Variants in DOCK11 observed in about 807,000 individuals in gnomAD.
DOCK11 encodes dedicator of cytokinesis 11, also known as dedicator of cytokinesis protein 11.
DOCK11 carries 70 observed loss-of-function variants against 169.1 expected under a neutral mutation model. The observed-to-expected ratio is 0.41, with a 90% CI of 0.34 to 0.51. DOCK11 has a LOEUF of 0.51. Ranked by LOEUF, DOCK11 falls within the 20% of genes least tolerant of loss-of-function variation. The probability of loss-of-function intolerance (pLI) is 0.10; values close to 1 mark genes in which losing one functional copy is unlikely to be tolerated. For missense variants in DOCK11, 1,166 were observed against 1,538.8 expected (o/e 0.76, Z 4.05); for synonymous variants, 529 against 541.3 (o/e 0.98, Z 0.32).
rs868734556 is a variant in DOCK11 at position 118,641,222 on chromosome X, C to A, written c.4177C>A (p.Gln1393Lys). ...STTTEADIFH[Q>K]ALLEGNTATE... ...AACAACTGAAGCAGACATTTTCCAC[C>A]AGGCACTTCTTGAAGGCAATACAGC... Residue 1393 changes from glutamine (Q) to lysine (K), a missense_variant, in exon 39 of 53, where the codon CAG becomes AAG. By Grantham distance (53) the Gln-to-Lys change is moderately conservative. Coordinates refer to ENST00000276202, the MANE Select transcript of DOCK11 (RefSeq NM_144658.4). 1.7e-6 allele frequency: 2 copies of A among 1,209,740 alleles called. No individual in the cohort carries two copies. Among genetic ancestry groups the A allele is most frequent in the Non-Finnish European group, 1.1e-6 (1 of 893,692 alleles).
In DOCK11 at chrX:118,636,399, CT is replaced by C; in HGVS notation, c.3942del (p.Ile1315TyrfsTer3). The C allele has an allele frequency of 9.4e-7, 1 of 1,060,729 alleles. No individual in the cohort carries two copies. The highest frequency in any genetic ancestry group is 2.5e-5 in the Admixed American group (1 of 39,432). 87.4% of individuals were successfully genotyped at this position (1,060,729 alleles called of 1,213,427 possible). On this transcript the variant is annotated frameshift_variant, in exon 36 of 53. Coordinates refer to ENST00000276202, the MANE Select transcript of DOCK11 (RefSeq NM_144658.4). LOFTEE classifies it high-confidence loss of function. The part of the protein sequence containing the change: ...KVSPQELINI[L>X]ILLEVCLFHF... ...ATCACCTCAGGAGCTCATAAACATTCTTATACTTTTAGAGTAAGTTATATTA... is the reference window on the plus strand; with the variant it reads ...ATCACCTCAGGAGCTCATAAACATTCTATACTTTTAGAGTAAGTTATATTA...
At chrX:118,554,278 A>G (rs2012601880) in intron 6 of DOCK11, among the ~76,000 whole-genome samples, 1 of 111,947 alleles carries the variant, frequency 8.9e-6, no homozygotes, top group Non-Finnish European at 1.9e-5. Flanking sequence ...GGCTGGGCAC[A>G]GTGGCTCACA....
At chrX:118,503,074 C>CTTTTTTTTTTTTTTTTT (rs767017269) in intron 1 of DOCK11, among the ~76,000 whole-genome samples, 1 of 90,789 alleles carries the variant, frequency 1.1e-5, no homozygotes, top group African/African-American at 4.2e-5. Context: ...ATAACAAAGG[C>CTTTTTTTTTTTTTTTTT]TTTTTTTTTT....
In DOCK11 at chrX:118,566,213, G is replaced by C. The variant is rs141841042; in HGVS notation, c.871+31G>C. 2.1e-3 allele frequency: 2,416 copies of C among 1,142,156 alleles called. 2 individuals are homozygous for C. The highest frequency in any genetic ancestry group is 2.2e-3 in the Non-Finnish European group (1,885 of 842,986). The allele number at this position is 1,142,156 out of a possible 1,213,427, so 94.1% of individuals were successfully genotyped here. On this transcript the variant is annotated intron_variant, in intron 8 of 52. Coordinates refer to ENST00000276202, the MANE Select transcript of DOCK11 (RefSeq NM_144658.4). ...AATTTTAAAGTGATTTATTATTGAA[G>C]TAAAGCCCTTGTCTTTAATCCGTGG...
rs918335831 is a variant in DOCK11, at chrX:118,628,094, C to T, written c.3665-69C>T. Reference sequence around the variant, plus strand: ...TTAATGTCTCTACTTAAATTAGTTCCGTACTTTTTAAATATTTCTGACAGT... The same window carrying T: ...TTAATGTCTCTACTTAAATTAGTTCTGTACTTTTTAAATATTTCTGACAGT... On this transcript the variant is annotated intron_variant, in intron 33 of 52. Transcript: ENST00000276202. 63 of 646,922 alleles carry T rather than the reference C, an allele frequency of 9.7e-5. No homozygotes were observed. In the East Asian group the frequency reaches 1.3e-3, roughly 14 times the overall value. The allele number at this position is 646,922 out of a possible 1,213,427, so 53.3% of individuals were successfully genotyped here.
chrX:118,638,229 C>A, intron 37 of DOCK11, 102 bp downstream of exon 37: 2 of 718,722 alleles, frequency 2.8e-6, no homozygotes, highest in Non-Finnish European at 4.3e-6. Context: ...TTTGAGTTAA[C>A]ATTGGGATAC....
chrX:118,612,984 T>G (rs954799930), intron 28 of DOCK11, among the ~76,000 whole-genome samples: 2 of 111,801 alleles, frequency 1.8e-5, no homozygotes, highest in South Asian at 3.7e-4. Flanking sequence ...GGCAACCGAT[T>G]AGAAAACCAA....
chrX:118,637,820 G>A (rs2015429776), intron 36 of DOCK11, among the ~76,000 whole-genome samples: 1 of 111,448 alleles, frequency 9.0e-6, no homozygotes, highest in Admixed American at 9.6e-5. Context: ...AGCATAAAGG[G>A]TGATTTGCAT....
chrX:118,575,293 AATATC>A (rs1158863893), intron 12 of DOCK11, among the ~76,000 whole-genome samples: 2 of 111,521 alleles, frequency 1.8e-5, no homozygotes, highest in African/African-American at 6.5e-5. Flanking sequence ...GTATTCTTTT[AATATC>A]ATATTTATCA....
At chrX:118,520,670 A>G (rs1401716639) in intron 1 of DOCK11, among the ~76,000 whole-genome samples, 1 of 111,754 alleles carries the variant, frequency 8.9e-6, no homozygotes, top group Admixed American at 9.5e-5. Context: ...CTGCCAGTCA[A>G]TGGAAAAATA....
At chrX:118,684,071 G>A (rs2016800492) in intron 52 of DOCK11, among the ~76,000 whole-genome samples, 1 of 110,851 alleles carries the variant, frequency 9.0e-6, no homozygotes, top group East Asian at 2.8e-4. Flanking sequence ...TACACTTTGA[G>A]GCATATATTA....
At chrX:118,653,512 A>G (rs1032373013) in intron 42 of DOCK11, among the ~76,000 whole-genome samples, 1 of 111,207 alleles carries the variant, frequency 9.0e-6, no homozygotes, top group Non-Finnish European at 1.9e-5. Context: ...TCCCAGGTTC[A>G]AGTGATTTTC....
intron 40 of DOCK11, among the ~76,000 whole-genome samples, chrX:118,646,800 GA>G (rs1342110574): frequency 3.6e-5 from 4 of 111,849 alleles, no homozygotes; most frequent in Non-Finnish European, 7.5e-5. Flanking sequence ...TATCTGCATA[GA>G]ATTACACTTG....
chrX:118,511,051 G>A (rs1316257799), intron 1 of DOCK11, among the ~76,000 whole-genome samples: 1 of 112,245 alleles, frequency 8.9e-6, no homozygotes, highest in East Asian at 2.8e-4. Flanking sequence ...ATGGCACAGA[G>A]CTTTGCTGTC....
At chrX:118,638,750 G>A (rs1293942032) in intron 37 of DOCK11, among the ~76,000 whole-genome samples, 1 of 111,497 alleles carries the variant, frequency 9.0e-6, no homozygotes, top group Non-Finnish European at 1.9e-5. Flanking sequence ...ACGTCCTAAG[G>A]ATAGGTAGTT....
chrX:118,637,936 A>G (rs1231891232), intron 36 of DOCK11, 144 bp from the exon 37 acceptor site: 3 of 450,493 alleles, frequency 6.7e-6, no homozygotes, highest in Non-Finnish European at 1.1e-5. Flanking sequence ...TTAATTATCT[A>G]TGTATTTCTG....
intron 23 of DOCK11, among the ~76,000 whole-genome samples, chrX:118,599,725 GT>G (rs776237529): frequency 8.9e-6 from 1 of 112,239 alleles, no homozygotes; most frequent in African/African-American, 3.2e-5. Flanking sequence ...CTAACACTTG[GT>G]TTTTTCCCTG....
intron 22 of DOCK11, 87 bp from the exon 23 acceptor site, chrX:118,599,052 C>T: frequency 1.3e-6 from 1 of 746,543 alleles, no homozygotes; most frequent in Non-Finnish European, 2.1e-6. Context: ...AATAGGTCTG[C>T]AAGATACAGG....
At chrX:118,650,699 G>T (rs972835812) in intron 41 of DOCK11, among the ~76,000 whole-genome samples, 1 of 111,679 alleles carries the variant, frequency 9.0e-6, no homozygotes, top group African/African-American at 3.3e-5. Context: ...GTTCTAATTT[G>T]TGTGCCAATA....
Sources: allele counts gnomAD v4.1 joint callset (sites outside exome capture counted in the v4.1 genomes callset), GRCh38; gene constraint gnomAD v4.1.1; transcripts MANE v1.5; gene names NCBI Gene and HGNC (gene_info 2026-07-23, HGNC 2026-07-21).